Variants in SAG observed in about 807,000 individuals in gnomAD.
The protein encoded by SAG is S-arrestin.
SAG carries 45 observed loss-of-function variants against 55.0 expected under a neutral mutation model. The ratio of observed to expected loss-of-function variants is 0.82; its 90% CI spans 0.64 to 1.05. The LOEUF is 1.05. SAG is among the 50% of genes least tolerant of loss of function. The probability of loss-of-function intolerance (pLI) is 0.00; values close to 1 mark genes in which losing one functional copy is unlikely to be tolerated. For synonymous variants in SAG, 189 were observed against 197.4 expected, an observed-to-expected ratio of 0.96 and a Z score of 0.36; for missense variants, 455 against 512.1, an observed-to-expected ratio of 0.89 and a Z score of 1.08.
chr2:233,318,625 TTTTC>T, intron 3 of SAG, 122 bp from the exon 4 acceptor site: 3 of 847,256 alleles, frequency 3.5e-6, no homozygotes, highest in East Asian at 2.5e-5. Context: ...TTTGCCTGAC[TTTTC>T]TTTCTTTCTT....
chr2:233,320,444 C>G (rs567914833), intron 4 of SAG, among the ~76,000 whole-genome samples, 186 bp from the exon 5 acceptor site: 110 of 152,320 alleles, frequency 7.2e-4, no homozygotes, highest in African/African-American at 2.6e-3. Flanking sequence ...GAGCGGTGAA[C>G]CCTCATGAAG....
chr2:233,334,081 G>A (rs1351412778), intron 10 of SAG: 1 of 152,216 alleles, frequency 6.6e-6, no homozygotes, highest in Non-Finnish European at 1.5e-5. Flanking sequence ...GGCACGAATG[G>A]GCTCTGCTGT....
chr2:233,330,990 T>A (rs1700742465), intron 9 of SAG, among the ~76,000 whole-genome samples: 1 of 152,034 alleles, frequency 6.6e-6, no homozygotes, highest in African/African-American at 2.4e-5. Flanking sequence ...GGTGGGAGGA[T>A]CCCTTGAGCC....
At position 233,340,405 on chromosome 2, in the gene SAG, C is replaced by A; in HGVS notation, c.1023-50C>A. Reference sequence around the variant, plus strand: ...CTGCCTCTGAATCATGGGAAAGGGTCGTGTTACCACTGTGACAGTTAACGA... The same window carrying A: ...CTGCCTCTGAATCATGGGAAAGGGTAGTGTTACCACTGTGACAGTTAACGA... On this transcript the variant is annotated intron_variant, in intron 12 of 15. Coordinates refer to ENST00000409110, the MANE Select transcript of SAG (RefSeq NM_000541.5). This position sits in a 1 kb window ranked among gnomAD's most constrained non-coding sequence, Gnocchi z 4.2. 6.4e-7 allele frequency: 1 copy of A among 1,567,136 alleles called. No homozygotes were observed. Among genetic ancestry groups the A allele is most frequent in the Non-Finnish European group, 8.8e-7 (1 of 1,142,510 alleles).
At chr2:233,326,245 T>G (rs557745634) in intron 6 of SAG, among the ~76,000 whole-genome samples, 8 of 152,298 alleles carry the variant, frequency 5.3e-5, no homozygotes, top group African/African-American at 1.9e-4. Context: ...TTATTTAATT[T>G]AAAAACTAGG....
At chr2:233,321,333 G>C (rs1042612977) in intron 5 of SAG, among the ~76,000 whole-genome samples, 1 of 152,202 alleles carries the variant, frequency 6.6e-6, no homozygotes, top group Non-Finnish European at 1.5e-5. Context: ...AGTCTTGGGC[G>C]TGAGCTCAAT....
At chr2:233,310,260 G>T (rs1574923812) in intron 2 of SAG, among the ~76,000 whole-genome samples, 1 of 152,146 alleles carries the variant, frequency 6.6e-6, no homozygotes, top group Non-Finnish European at 1.5e-5. Context: ...AAATTTTCTA[G>T]TAGCCACATT....
In SAG at chr2:233,327,173, C is replaced by A. The variant is rs201130629; in HGVS notation, c.488C>A (p.Ala163Asp). 7.1e-5 allele frequency: 114 copies of A among 1,613,742 alleles called. No individual in the cohort carries two copies. The African/African-American group carries it at 1.4e-3, about 19-fold the overall frequency. Residue 163 changes from alanine (A) to aspartate (D), a missense_variant, in exon 7 of 16, where the codon GCC becomes GAC. Ala to Asp is a moderately radical substitution (Grantham distance 126). Transcript: ENST00000409110. ...VKAFATDSTDAEEDKIPKKSS... is the reference protein window; with the variant it reads ...VKAFATDSTDDEEDKIPKKSS... ...GCATTCGCCACAGACAGCACCGATG[C>A]CGAAGAGGACAAAATCCCCAAGAAG...
In SAG at chr2:233,319,857, G is replaced by A. The variant is rs776638920; in HGVS notation, c.182-773G>A. 1.1e-5 allele frequency: 11 copies of A among 985,792 alleles called. No individual in the cohort carries two copies. The highest frequency in any genetic ancestry group is 1.3e-5 in the Non-Finnish European group (11 of 829,946). The allele number at this position is 985,792 out of a possible 1,614,324, so 61.1% of individuals were successfully genotyped here. ...GTTTCTTCTGAGTCAGCAGCGAAGG[G>A]CAGTTACCTTTGGGGCTTGCAGGCA... On this transcript the variant is annotated intron_variant, in intron 4 of 15. Transcript: ENST00000409110. The surrounding 1 kb of genome is among the most constrained non-coding windows in gnomAD (Gnocchi z 4.4).
At chr2:233,313,093 A>G (rs1700121112) in intron 2 of SAG, among the ~76,000 whole-genome samples, 1 of 152,184 alleles carries the variant, frequency 6.6e-6, no homozygotes, top group South Asian at 2.1e-4. Context: ...CTCCTGCAAG[A>G]GCACCCAGAA....
intron 10 of SAG, 64 bp from the exon 11 acceptor site, chr2:233,334,898 A>T: frequency 4.4e-6 from 7 of 1,581,266 alleles, no homozygotes; most frequent in Non-Finnish European, 6.1e-6. Context: ...AATGTCAAAT[A>T]GGGGCTCATG....
rs954958895 is a variant in SAG, at chr2:233,313,068, A to G, written c.76-3007A>G. 7.2e-5 allele frequency among the ~76,000 whole-genome samples: 11 copies of G among 152,326 alleles called. No individual in the cohort carries two copies. The South Asian group carries it at 2.1e-3, about 29-fold the overall frequency. ...TTTGCCTAATTGACAGGCGAAGTCT[A>G]GCAAAGGAGACAGGCTCCTGCAAGA... On this transcript the variant is annotated intron_variant, in intron 2 of 15. Coordinates refer to ENST00000409110, the MANE Select transcript of SAG (RefSeq NM_000541.5).
At chr2:233,311,798 C>G (rs377561249) in intron 2 of SAG, among the ~76,000 whole-genome samples, 1 of 152,166 alleles carries the variant, frequency 6.6e-6, no homozygotes, top group South Asian at 2.1e-4. Context: ...GTGTGTGCAG[C>G]CTCTCCTCTC....
chr2:233,339,596 G>C (rs1007819552), intron 12 of SAG, among the ~76,000 whole-genome samples: 1 of 150,408 alleles, frequency 6.6e-6, no homozygotes, highest in Non-Finnish European at 1.5e-5. Flanking sequence ...AAACAGGGTG[G>C]AGTTTCTTTT....
chr2:233,328,457 G>T (rs538085954), intron 7 of SAG, 21 bp from the exon 8 acceptor site: 6 of 1,608,788 alleles, frequency 3.7e-6, no homozygotes, highest in Non-Finnish European at 5.1e-6. Flanking sequence ...TCCCTGGCTT[G>T]TCTGTGGCTG....
chr2:233,315,201 G>T (rs192550149), intron 2 of SAG, among the ~76,000 whole-genome samples: 2,453 of 151,324 alleles, frequency 0.016, 73 homozygotes, highest in African/African-American at 0.055. Context: ...GTGGCTTTAG[G>T]TCTACCTGTG....
chr2:233,316,170 TCCTTTAAGTCA>T (rs1345744039), intron 3 of SAG, 35 bp downstream of exon 3: 3 of 1,282,928 alleles, frequency 2.3e-6, no homozygotes, highest in Non-Finnish European at 2.2e-6. Context: ...ATGCTGGTTT[TCCTTTAAGTCA>T]CAGATAACCG....
intron 6 of SAG, among the ~76,000 whole-genome samples, chr2:233,323,609 T>G (rs1045774834): frequency 2.3e-4 from 35 of 152,192 alleles, no homozygotes; most frequent in Admixed American, 1.0e-3. Flanking sequence ...GTGATCTGCC[T>G]GCTTTGGCCT....
At chr2:233,330,807 C>T (rs1465613998) in intron 9 of SAG, among the ~76,000 whole-genome samples, 1 of 152,142 alleles carries the variant, frequency 6.6e-6, no homozygotes, top group East Asian at 1.9e-4. Flanking sequence ...GCTGGGATTA[C>T]CGGTGTGAGC....
Sources: allele counts gnomAD v4.1 joint callset (sites outside exome capture counted in the v4.1 genomes callset), GRCh38; gene constraint gnomAD v4.1.1; non-coding constraint Gnocchi (gnomAD v3.1); transcripts MANE v1.5; gene names NCBI Gene and HGNC (gene_info 2026-07-23, HGNC 2026-07-21).